Variants in CHD9 observed in about 807,000 individuals in gnomAD.
CHD9 encodes chromodomain helicase DNA binding protein 9, also known as ATP-dependent chromatin remodeler CHD9.
A neutral mutation model predicts 316.1 loss-of-function variants in CHD9; 77 were observed. The ratio of observed to expected loss-of-function variants is 0.24; its 90% CI spans 0.20 to 0.29. CHD9 has a LOEUF of 0.29. Among genes scored for constraint, CHD9 ranks in the 10% least tolerant of loss-of-function variants. The pLI is 1.00. For missense variants in CHD9, 2,763 were observed against 3,438.1 expected, an observed-to-expected ratio of 0.80 and a Z score of 4.91; for synonymous variants, 1,129 against 1,158.3, an observed-to-expected ratio of 0.97 and a Z score of 0.51.
At chr16:53,240,217 T>C (rs1466741393) in intron 12 of CHD9, among the ~76,000 whole-genome samples, 3 of 152,204 alleles carry the variant, frequency 2.0e-5, no homozygotes, top group African/African-American at 7.2e-5. Context: ...TAGTGTTTCA[T>C]TATTCTTACT....
intron 1 of CHD9, among the ~76,000 whole-genome samples, chr16:53,109,691 T>C (rs12918533): frequency 5.2e-4 from 65 of 125,474 alleles, no homozygotes; most frequent in African/African-American, 1.3e-3. Context: ...TTTTTTTTTT[T>C]TTTTTTTTTT....
At chr16:53,153,858 T>A (rs1347740591) in intron 1 of CHD9, among the ~76,000 whole-genome samples, 2 of 152,136 alleles carry the variant, frequency 1.3e-5, no homozygotes, top group Admixed American at 6.6e-5. Flanking sequence ...GATTTATTTA[T>A]GATATGATTG....
intron 2 of CHD9, among the ~76,000 whole-genome samples, chr16:53,167,750 C>T (rs1247836834): frequency 6.7e-6 from 1 of 148,204 alleles, no homozygotes; most frequent in Non-Finnish European, 1.5e-5. Flanking sequence ...TTGTAAATGA[C>T]AGTGCCAAGA....
intron 1 of CHD9, among the ~76,000 whole-genome samples, chr16:53,059,128 A>G (rs186863324): frequency 1.1e-3 from 174 of 152,256 alleles, no homozygotes; most frequent in African/African-American, 3.9e-3. Flanking sequence ...AGCATGATCT[A>G]CCTTACCTGG....
intron 24 of CHD9, among the ~76,000 whole-genome samples, chr16:53,283,614 T>C (rs886892204): frequency 6.6e-6 from 1 of 152,348 alleles, no homozygotes; most frequent in South Asian, 2.1e-4. Context: ...GTTTCCTTTA[T>C]ATTTCAGGGC....
rs375761315 is a variant in CHD9 at position 53,108,683 on chromosome 16, TG to T, written c.-164-47241del. Among the ~76,000 whole-genome samples, 28 of 152,080 alleles carry T rather than the reference TG, an allele frequency of 1.8e-4. No homozygotes were observed. In the East Asian group the frequency reaches 4.7e-3, roughly 25 times the overall value. ...TGAGATCAGGAGTTTGAGATCAGCC[TG>T]GCCAACATGGTGAAACCCTGTCTCT... On this transcript the variant is annotated intron_variant, in intron 1 of 38. Coordinates refer to ENST00000447540, the MANE Select transcript of CHD9 (RefSeq NM_001308319.2).
chr16:53,083,791 C>T (rs1442085949), intron 1 of CHD9, among the ~76,000 whole-genome samples: 1 of 151,980 alleles, frequency 6.6e-6, no homozygotes, highest in East Asian at 1.9e-4. Context: ...CACTCTGTCA[C>T]CCAGGCTGGA....
At chr16:53,279,637 C>T (rs889275833) in intron 24 of CHD9, among the ~76,000 whole-genome samples, 4 of 151,972 alleles carry the variant, frequency 2.6e-5, no homozygotes, top group African/African-American at 9.7e-5. Context: ...TGACTAAGGA[C>T]CCAAAAGCAA....
intron 37 of CHD9, chr16:53,319,901 T>C: frequency 2.0e-6 from 2 of 1,021,366 alleles, no homozygotes; most frequent in Non-Finnish European, 1.3e-6. Flanking sequence ...CAATAGAAGC[T>C]TAATGAAGGA....
chr16:53,204,050 T>TAC (rs2045682477), intron 2 of CHD9, among the ~76,000 whole-genome samples: 1 of 66,568 alleles, frequency 1.5e-5, no homozygotes, highest in African/African-American at 5.7e-5. Context: ...AAAAAAAAAA[T>TAC]ATATATATAC....
chr16:53,151,968 ATG>A (rs75657191), intron 1 of CHD9, among the ~76,000 whole-genome samples: 46,301 of 146,808 alleles, frequency 0.32, 7,073 homozygotes, highest in Middle Eastern at 0.36. Context: ...CTTTCAGGGT[ATG>A]TGTGTGTGTG....
intron 1 of CHD9, among the ~76,000 whole-genome samples, chr16:53,067,298 T>C (rs929237303): frequency 4.6e-5 from 7 of 152,230 alleles, no homozygotes; most frequent in African/African-American, 9.6e-5. Context: ...TTAACTGATA[T>C]TGATATTTGA....
At position 53,304,623 on chromosome 16, in the gene CHD9, G is replaced by A. The variant is rs370082361; in HGVS notation, c.6617G>A (p.Arg2206Gln). Residue 2206 changes from arginine to glutamine, a missense_variant and splice_region_variant, in exon 31 of 39, where the codon CGA (arginine) becomes CAA (glutamine). This residue lies in a region of CHD9 where 663 missense variants were observed against 751.2 expected (regional missense o/e 0.88). Transcript: ENST00000447540. Reference sequence around the variant, plus strand: ...AGTGATGAAGAAGAAGCCCAAAAACGAGGTACTATGCATAAAATAATTCTA... The same window carrying A: ...AGTGATGAAGAAGAAGCCCAAAAACAAGGTACTATGCATAAAATAATTCTA... ...SDSDEEEAQK[R>Q]ESTTHMKAYD... is the part of the protein sequence containing the mutation. 3.9e-6 allele frequency: 6 copies of A among 1,542,662 alleles called. No homozygotes were observed. The African/African-American group carries it at 4.1e-5, about 11-fold the overall frequency.
chr16:53,235,336 T>A (rs1166774407), intron 11 of CHD9, 30 bp downstream of exon 11: 3 of 1,462,916 alleles, frequency 2.1e-6, no homozygotes, highest in Non-Finnish European at 2.8e-6. Context: ...AAAAAAAATT[T>A]ATTTTTTTAA....
chr16:53,086,748 G>A (rs991557045), intron 1 of CHD9, among the ~76,000 whole-genome samples: 12 of 152,148 alleles, frequency 7.9e-5, no homozygotes, highest in Non-Finnish European at 1.3e-4. Context: ...TCAGGTAGGC[G>A]GAATGAACCC....
rs1036269332 is a variant in CHD9, at chr16:53,326,203, T to C, written c.*1308T>C. ...TAAAGCTGCTATTATTCTGACAAGG[T>C]AGAGGTCCAGGTTCACCTTTATATA... On this transcript the variant is annotated 3_prime_UTR_variant, in exon 39 of 39. Transcript: ENST00000447540. The C allele has an allele frequency of 1.6e-4, 25 of 152,526 alleles. No homozygotes were observed. The highest frequency in any genetic ancestry group is 6.0e-4 in the African/African-American group (25 of 41,460). The allele number at this position is 152,526 out of a possible 1,614,324, so 9.4% of individuals were successfully genotyped here. A position where few individuals can be genotyped will look rare whatever the true frequency, so the allele number is the denominator to read the frequency against.
In CHD9 at chr16:53,165,415, G is replaced by A. The variant is rs116869434; in HGVS notation, c.1452+7874G>A. On this transcript the variant is annotated intron_variant, in intron 2 of 38. Coordinates refer to ENST00000447540, the MANE Select transcript of CHD9 (RefSeq NM_001308319.2). ...GATGAATAAATTTTCCAGATAGATG[G>A]AATATATTTTAGCAAGACTCAAAAA... 7.2e-5 allele frequency among the ~76,000 whole-genome samples: 11 copies of A among 152,240 alleles called. No homozygotes were observed. In the East Asian group the frequency reaches 1.9e-3, roughly 27 times the overall value.
intron 2 of CHD9, among the ~76,000 whole-genome samples, chr16:53,181,258 G>A (rs1597322457): frequency 6.6e-6 from 1 of 152,074 alleles, no homozygotes; most frequent in South Asian, 2.1e-4. Flanking sequence ...TGATCTGCGG[G>A]CCTTGGCCTC....
At chr16:53,188,112 A>T (rs141901809) in intron 2 of CHD9, among the ~76,000 whole-genome samples, 1,556 of 152,286 alleles carry the variant, frequency 0.01, 20 homozygotes, top group Non-Finnish European at 0.012. Context: ...TGTGATTATG[A>T]TGGGCTTCTT....
Sources: gnomAD v4.1 joint callset for allele counts (sites outside exome capture counted in the v4.1 genomes callset) on GRCh38, gnomAD v4.1.1 for gene constraint, gnomAD v4.1.1 regional missense constraint, MANE v1.5 for transcripts, NCBI Gene and HGNC (gene_info 2026-07-23, HGNC 2026-07-21) for gene names.